Variants in SAE1 observed in about 807,000 individuals in gnomAD.
SAE1 encodes SUMO1 activating enzyme subunit 1, also known as SUMO-activating enzyme subunit 1.
In SAE1, 11 loss-of-function variants were observed where a neutral mutation model predicts 40.6. The observed-to-expected ratio is 0.27, with a 90% CI of 0.17 to 0.45. SAE1 has a LOEUF of 0.45. Among genes scored for constraint, SAE1 ranks in the 20% least tolerant of loss-of-function variants. The pLI, the probability that SAE1 is intolerant of heterozygous loss-of-function variation, is 1.00. For missense variants in SAE1, 373 were observed against 427.3 expected (o/e 0.87, Z 1.12); for synonymous variants, 155 against 154.3 (o/e 1.00, Z -0.03).
chr19:47,195,334 C>T (rs2058606975), intron 6 of SAE1, among the ~76,000 whole-genome samples: 1 of 152,174 alleles, frequency 6.6e-6, no homozygotes, highest in South Asian at 2.1e-4. Flanking sequence ...GGATTACAGG[C>T]GTGAGCCACT....
At chr19:47,178,472 G>C (rs764421450) in intron 6 of SAE1, among the ~76,000 whole-genome samples, 1 of 152,108 alleles carries the variant, frequency 6.6e-6, no homozygotes. Context: ...TTGCTTACTC[G>C]TTTATGTTTA....
intron 6 of SAE1, among the ~76,000 whole-genome samples, chr19:47,192,676 G>A (rs1218813526): frequency 1.3e-5 from 2 of 151,722 alleles, no homozygotes; most frequent in African/African-American, 4.8e-5. Context: ...CCAAGTACTT[G>A]ATTATAGGCA....
At position 47,197,355 on chromosome 19, in the gene SAE1, C is replaced by A; in HGVS notation, c.856C>A (p.Leu286Met). 1 of 1,613,366 alleles carries A rather than the reference C, an allele frequency of 6.2e-7. No homozygotes were observed. Among genetic ancestry groups the A allele is most frequent in the Non-Finnish European group, 8.5e-7 (1 of 1,179,750 alleles). The change falls in exon 7 of 9, where the codon CTG (leucine) becomes ATG (methionine). Residue 286 changes from leucine (L) to methionine (M), a missense_variant. Leu to Met is a conservative substitution (Grantham distance 15). This residue lies in a region of SAE1 where 351 missense variants were observed against 390.6 expected (regional missense o/e 0.90). Coordinates refer to ENST00000270225, the MANE Select transcript of SAE1 (RefSeq NM_005500.3). ...TGACTCACTGGGTATTAGTCCTGAC[C>A]TGCTTCCTGAGGACTTTGTCAGGTT... ...VLDSLGISPD[L>M]LPEDFVRYCF...
At chr19:47,184,733 G>T (rs933340162) in intron 6 of SAE1, among the ~76,000 whole-genome samples, 1 of 151,992 alleles carries the variant, frequency 6.6e-6, no homozygotes, top group East Asian at 1.9e-4. Context: ...ATTTTTTTAC[G>T]TAGGAGAGCT....
At chr19:47,153,345 A>G (rs1027959655) in intron 4 of SAE1, among the ~76,000 whole-genome samples, 2 of 152,178 alleles carry the variant, frequency 1.3e-5, no homozygotes, top group African/African-American at 4.8e-5. Context: ...AAGGTGTCCA[A>G]TATCCAGAGA....
Position 47,197,275 on chromosome 19 carries a change from C to A in SAE1, c.776C>A (p.Ser259Tyr). ...FRTDKGRDPSSDTYEEDSELL... is the reference protein window; with the variant it reads ...FRTDKGRDPSYDTYEEDSELL... ...ACAGATAAAGGAAGAGATCCCAGTT[C>A]TGATACATATGAGGAAGATTCTGAG... The change falls in exon 7 of 9, where the codon TCT becomes TAT. Residue 259 changes from serine (S) to tyrosine (Y), a missense_variant. By Grantham distance (144) the Ser-to-Tyr change is moderately radical (BLOSUM62 -2). Transcript: ENST00000270225. The A allele has an allele frequency of 6.2e-7, 1 of 1,613,820 alleles. No individual in the cohort carries two copies. The highest frequency in any genetic ancestry group is 8.5e-7 in the Non-Finnish European group (1 of 1,179,920).
Position 47,181,717 on chromosome 19 carries a change from G to A in SAE1, c.733+11794G>A, listed in dbSNP as rs1024846401. Among the ~76,000 whole-genome samples the A allele has an allele frequency of 9.4e-5, 14 of 148,594 alleles. No individual in the cohort carries two copies. In the South Asian group the frequency reaches 2.8e-3, roughly 29 times the overall value. Reference sequence around the variant, plus strand: ...TGGTCTCGAACTCCTAGCCTCAGGTGATCCTCCCACCTCAGCCTCCTGAAG... The same window carrying A: ...TGGTCTCGAACTCCTAGCCTCAGGTAATCCTCCCACCTCAGCCTCCTGAAG... On this transcript the variant is annotated intron_variant, in intron 6 of 8. Transcript: ENST00000270225.
intron 2 of SAE1, among the ~76,000 whole-genome samples, chr19:47,144,739 T>C (rs1157876099): frequency 6.6e-6 from 1 of 152,054 alleles, no homozygotes; most frequent in Non-Finnish European, 1.5e-5. Flanking sequence ...CAAACAACAC[T>C]GGATCAGAGA....
chr19:47,149,163 CTT>C lies in SAE1; in HGVS notation c.211-1015_211-1014del, dbSNP rs958403274. Among the ~76,000 whole-genome samples, 419 of 86,414 alleles carry C rather than the reference CTT, an allele frequency of 4.8e-3. 1 individual carries two copies. The highest frequency in any genetic ancestry group is 0.019 in the African/African-American group (397 of 21,214). 56.7% of individuals were successfully genotyped at this position (86,414 alleles called of 152,430 possible). A position where few individuals can be genotyped will look rare whatever the true frequency, so the allele number is the denominator to read the frequency against. On this transcript the variant is annotated intron_variant, in intron 2 of 8. Transcript: ENST00000270225. Reference sequence around the variant, plus strand: ...TACTGTGCCAGGCTGCACTGGTCTACTTTTTTTTTTTTTTTTTTTTTTTTTGA... The same window carrying C: ...TACTGTGCCAGGCTGCACTGGTCTACTTTTTTTTTTTTTTTTTTTTTTTGA...
intron 3 of SAE1, among the ~76,000 whole-genome samples, chr19:47,151,955 C>T (rs2058291057): frequency 6.6e-6 from 1 of 152,178 alleles, no homozygotes; most frequent in Non-Finnish European, 1.5e-5. Flanking sequence ...TCCATTTGAT[C>T]AATTGGTTGC....
chr19:47,136,745 C>T (rs1020909650), intron 1 of SAE1, among the ~76,000 whole-genome samples: 1 of 152,192 alleles, frequency 6.6e-6, no homozygotes, highest in Non-Finnish European at 1.5e-5. Context: ...CCGCCTTGGC[C>T]TCCCAAAGTG....
rs1442377220 is a variant in SAE1, at chr19:47,131,039, G to A, written c.98+11G>A. On this transcript the variant is annotated intron_variant, in intron 1 of 8. Transcript: ENST00000270225. ...GGAGGCCCAGAAACGGTCAGGGCCGGCGCGGCTTGAGGCCGCTAGGGTCTG... is the reference window on the plus strand; with the variant it reads ...GGAGGCCCAGAAACGGTCAGGGCCGACGCGGCTTGAGGCCGCTAGGGTCTG... The A allele has an allele frequency of 3.9e-6, 6 of 1,527,622 alleles. No individual in the cohort carries two copies. The African/African-American group carries it at 8.4e-5, about 21-fold the overall frequency. The allele number at this position is 1,527,622 out of a possible 1,614,324, so 94.6% of individuals were successfully genotyped here.
intron 1 of SAE1, among the ~76,000 whole-genome samples, chr19:47,142,165 C>T (rs79782600): frequency 1.3e-5 from 2 of 152,074 alleles, no homozygotes; most frequent in Non-Finnish European, 2.9e-5. Flanking sequence ...AGGTGGATCA[C>T]TTGAGGTCAG....
chr19:47,175,622 C>T (rs1003697914), intron 6 of SAE1, among the ~76,000 whole-genome samples: 2 of 152,152 alleles, frequency 1.3e-5, no homozygotes, highest in Non-Finnish European at 2.9e-5. Flanking sequence ...CCTGTAGTCC[C>T]AGCTACTTGG....
intron 4 of SAE1, 33 bp downstream of exon 4, chr19:47,153,073 A>AT (rs745954555): frequency 1.3e-6 from 2 of 1,541,304 alleles, no homozygotes; most frequent in African/African-American, 2.8e-5. Context: ...AGAACATAAC[A>AT]TTTTCTCCTT....
intron 1 of SAE1, among the ~76,000 whole-genome samples, chr19:47,135,269 T>C (rs896199651): frequency 1.3e-5 from 2 of 152,160 alleles, no homozygotes; most frequent in Non-Finnish European, 2.9e-5. Context: ...CTGTATCTTA[T>C]TCATTGTATT....
At chr19:47,143,651 C>G (rs543808907) in intron 2 of SAE1, 46 bp downstream of exon 2, 1 of 1,419,220 alleles carries the variant, frequency 7.0e-7, no homozygotes, top group South Asian at 1.2e-5. Context: ...GCTCCCCTTT[C>G]CAGCATGAAG....
At chr19:47,131,908 C>G (rs557611657) in intron 1 of SAE1, among the ~76,000 whole-genome samples, 1 of 151,824 alleles carries the variant, frequency 6.6e-6, no homozygotes, top group East Asian at 1.9e-4. Context: ...GCCATATTGA[C>G]GAGACTGGTC....
At chr19:47,152,863 A>G (rs144687189) in intron 3 of SAE1, 35 bp from the exon 4 acceptor site, 7 of 1,606,702 alleles carry the variant, frequency 4.4e-6, no homozygotes, top group African/African-American at 1.3e-5. Context: ...ACAGTTTGCA[A>G]AACTCAAACC....
Sources: allele counts gnomAD v4.1 joint callset (sites outside exome capture counted in the v4.1 genomes callset), GRCh38; gene constraint gnomAD v4.1.1; regional missense constraint gnomAD v4.1.1; transcripts MANE v1.5; gene names NCBI Gene and HGNC (gene_info 2026-07-23, HGNC 2026-07-21).